Variants in CHD2 observed in about 807,000 individuals in gnomAD.
CHD2 encodes the protein ATP-dependent chromatin remodeler CHD2.
Under a neutral mutation model 243.9 loss-of-function variants are expected in CHD2, and 28 were observed. That is an observed-to-expected ratio of 0.11 (90% CI 0.09 to 0.16). The LOEUF is 0.16. Among genes scored for constraint, CHD2 ranks in the 10% least tolerant of loss-of-function variants. The pLI is 1.00. For synonymous variants in CHD2, 775 were observed against 779.0 expected (o/e 0.99, Z 0.09); for missense variants, 1,386 against 2,209.8 (o/e 0.63, Z 7.47).
chr15:92,997,665 A>T lies in CHD2; in HGVS notation c.3885+262A>T. 3.6e-6 allele frequency: 1 copy of T among 276,322 alleles called. No individual in the cohort carries two copies. The highest frequency in any genetic ancestry group is 6.7e-6 in the Non-Finnish European group (1 of 148,902). 17.1% of individuals were successfully genotyped at this position (276,322 alleles called of 1,614,324 possible). On this transcript the variant is annotated intron_variant, in intron 30 of 38. Coordinates refer to ENST00000394196, the MANE Select transcript of CHD2 (RefSeq NM_001271.4). This position sits in a 1 kb window ranked among gnomAD's most constrained non-coding sequence, Gnocchi z 4.1. ...GGTATTTAATTATAGGTCAGATTTC[A>T]TTACAATAAATACCCAGGTGAGTTT...
intron 3 of CHD2, among the ~76,000 whole-genome samples, chr15:92,926,826 A>G (rs1481392406): frequency 1.3e-5 from 2 of 152,208 alleles, no homozygotes; most frequent in African/African-American, 2.4e-5. Flanking sequence ...TTACTTAATT[A>G]GACTTAATGG....
intron 16 of CHD2, among the ~76,000 whole-genome samples, chr15:92,963,313 T>G (rs2053713987): frequency 6.6e-6 from 1 of 152,194 alleles, no homozygotes; most frequent in Non-Finnish European, 1.5e-5. Context: ...TCATTTTAAT[T>G]CCTGTTAATT....
chr15:92,999,544 T>C (rs1448480515), intron 31 of CHD2, among the ~76,000 whole-genome samples: 2 of 152,226 alleles, frequency 1.3e-5, no homozygotes, highest in Admixed American at 6.5e-5. Context: ...TAGCAGCCCA[T>C]GTGTGCATGT....
intron 2 of CHD2, among the ~76,000 whole-genome samples, chr15:92,916,494 C>A (rs937016762): frequency 2.0e-5 from 3 of 152,188 alleles, no homozygotes; most frequent in Non-Finnish European, 2.9e-5. Context: ...TTGCCTCGTC[C>A]TATACAAGTT....
rs118090660 is a variant in CHD2 at position 92,914,318 on chromosome 15, T to G, written c.63-10003T>G. ...TTTGATTTTACCTGAATAGAAAGCT[T>G]CTTTTGTCTTTTGTGTATTAGCACA... On this transcript the variant is annotated intron_variant, in intron 2 of 38. Coordinates refer to ENST00000394196, the MANE Select transcript of CHD2 (RefSeq NM_001271.4). Among the ~76,000 whole-genome samples, 245 of 152,328 alleles carry G rather than the reference T, an allele frequency of 1.6e-3. 2 individuals carry two copies. The highest frequency in any genetic ancestry group is 3.1e-3 in the Non-Finnish European group (211 of 68,026).
At chr15:92,992,158 G>A (rs757139760) in intron 27 of CHD2, among the ~76,000 whole-genome samples, 3 of 152,200 alleles carry the variant, frequency 2.0e-5, no homozygotes, top group Non-Finnish European at 2.9e-5. Flanking sequence ...TAAACTTCTT[G>A]AGTGGGTGAA....
At chr15:93,020,389 A>C (rs1403041489) in intron 38 of CHD2, 131 bp downstream of exon 38, 3 of 1,129,348 alleles carry the variant, frequency 2.7e-6, no homozygotes, top group Non-Finnish European at 3.8e-6. Context: ...TGTCAGCCAC[A>C]GCGAATCCCA....
chr15:92,919,112 T>C (rs554133328), intron 2 of CHD2, among the ~76,000 whole-genome samples: 1 of 152,056 alleles, frequency 6.6e-6, no homozygotes, highest in African/African-American at 2.4e-5. Context: ...CGCCTGGGCC[T>C]CCCAGAGTGC....
chr15:92,920,313 T>C (rs1280171106), intron 2 of CHD2, among the ~76,000 whole-genome samples: 2 of 152,162 alleles, frequency 1.3e-5, no homozygotes, highest in Non-Finnish European at 2.9e-5. Context: ...CTCAGAAATA[T>C]GGAAAGTGTA....
chr15:92,967,356 C>T lies in CHD2; in HGVS notation c.2032C>T (p.His678Tyr). 1 of 1,610,954 alleles carries T rather than the reference C, an allele frequency of 6.2e-7. No individual in the cohort carries two copies. The highest frequency in any genetic ancestry group is 8.5e-7 in the Non-Finnish European group (1 of 1,178,182). The change falls in exon 17 of 39, where the codon CAT (histidine) becomes TAT (tyrosine). Residue 678 changes from histidine to tyrosine, a missense_variant. Physicochemically the swap from His to Tyr is moderately conservative, Grantham distance 83 (BLOSUM62 2). Coordinates refer to ENST00000394196, the MANE Select transcript of CHD2 (RefSeq NM_001271.4). The part of the protein sequence containing the change: ...FEFWEDFEED[H>Y]GKGRENGYQS... ...ATTTTGGGAAGATTTTGAAGAAGAC[C>T]ATGGGAAGGGGAGAGAAAATGGCTA...
At chr15:92,932,837 G>A (rs556096695) in intron 5 of CHD2, among the ~76,000 whole-genome samples, 52 of 27,402 alleles carry the variant, frequency 1.9e-3, no homozygotes, top group Admixed American at 3.8e-3. Flanking sequence ...AGCTCACTGT[G>A]ACTCAAGTGA....
intron 7 of CHD2, among the ~76,000 whole-genome samples, chr15:92,940,934 A>G (rs1251363430): frequency 7.2e-6 from 1 of 139,148 alleles, no homozygotes; most frequent in East Asian, 2.0e-4. Flanking sequence ...ATAAATATAT[A>G]TAAAATATAT....
intron 38 of CHD2, among the ~76,000 whole-genome samples, chr15:93,023,681 G>GTTTT (rs1043758356): frequency 1.4e-4 from 20 of 147,672 alleles, no homozygotes; most frequent in Non-Finnish European, 2.4e-4. Context: ...TTTTTTTTGT[G>GTTTT]TTTTTTTTTA....
chr15:92,927,186 T>A, intron 3 of CHD2, 58 bp from the exon 4 acceptor site: 2 of 1,226,740 alleles, frequency 1.6e-6, no homozygotes, highest in Non-Finnish European at 2.4e-6. Context: ...AATAAACGTT[T>A]GATAATAATA....
At chr15:92,912,970 C>T (rs1357396598) in intron 2 of CHD2, among the ~76,000 whole-genome samples, 1 of 152,180 alleles carries the variant, frequency 6.6e-6, no homozygotes, top group Non-Finnish European at 1.5e-5. Context: ...CAAACTCTTG[C>T]ACTGTTCTCT....
chr15:92,962,894 G>C (rs915341938), intron 16 of CHD2, among the ~76,000 whole-genome samples: 1 of 152,066 alleles, frequency 6.6e-6, no homozygotes, highest in Admixed American at 6.5e-5. Context: ...TGTCCCATTT[G>C]ACCTCTAATG....
chr15:92,978,818 G>A (rs538514569), intron 21 of CHD2, among the ~76,000 whole-genome samples: 1 of 152,116 alleles, frequency 6.6e-6, no homozygotes, highest in Admixed American at 6.6e-5. Context: ...TGGATAACCC[G>A]TAAGTTTCAT....
At chr15:93,019,258 C>T (rs532259961) in intron 37 of CHD2, among the ~76,000 whole-genome samples, 62 of 152,238 alleles carry the variant, frequency 4.1e-4, no homozygotes, top group Non-Finnish European at 5.0e-4. Context: ...GTGAAATAAA[C>T]GTTAGATGTG....
chr15:92,967,033 A>G (rs960239784), intron 16 of CHD2, among the ~76,000 whole-genome samples: 2 of 152,136 alleles, frequency 1.3e-5, no homozygotes, highest in African/African-American at 2.4e-5. Context: ...ACCAGAGGGC[A>G]TGTGCTTTGA....
Sources: allele counts gnomAD v4.1 joint callset (sites outside exome capture counted in the v4.1 genomes callset), GRCh38; gene constraint gnomAD v4.1.1; non-coding constraint Gnocchi (gnomAD v3.1); transcripts MANE v1.5; gene names NCBI Gene and HGNC (gene_info 2026-07-23, HGNC 2026-07-21).